EYS: variants seen among roughly 807,000 people sequenced by gnomAD.
EYS encodes protein eyes shut homolog.
In EYS, 250 loss-of-function variants were observed where a neutral mutation model predicts 282.1. That is an observed-to-expected ratio of 0.89 (90% CI 0.80 to 0.98). The LOEUF (loss-of-function observed/expected upper bound fraction) is 0.98. EYS is among the 50% of genes least tolerant of loss of function. EYS has a pLI of 0.00. For missense variants in EYS, 4,016 were observed against 3,709.0 expected (o/e 1.08, Z -2.15); for synonymous variants, 1,355 against 1,282.9 (o/e 1.06, Z -1.20).
intron 5 of EYS, among the ~76,000 whole-genome samples, chr6:65,473,223 A>G (rs969213556): frequency 1.3e-5 from 2 of 152,000 alleles, no homozygotes; most frequent in African/African-American, 4.8e-5. Context: ...AAATTGATAA[A>G]TAATAGATAA....
intron 12 of EYS, among the ~76,000 whole-genome samples, chr6:65,119,609 A>C (rs1330168297): frequency 6.7e-6 from 1 of 148,652 alleles, no homozygotes; most frequent in Admixed American, 6.7e-5. Flanking sequence ...TCCCATTTTT[A>C]AAATTTCTTA....
intron 35 of EYS, among the ~76,000 whole-genome samples, chr6:63,922,854 G>A (rs144509207): frequency 6.6e-6 from 1 of 152,284 alleles, no homozygotes; most frequent in African/African-American, 2.4e-5. Flanking sequence ...CCAAAAAGCA[G>A]GGTATATGTT....
intron 26 of EYS, among the ~76,000 whole-genome samples, chr6:64,571,260 T>C (rs1251024015): frequency 6.6e-6 from 1 of 152,140 alleles, no homozygotes; most frequent in Non-Finnish European, 1.5e-5. Flanking sequence ...TGTACCAGCA[T>C]CTCTGGGACA....
intron 29 of EYS, among the ~76,000 whole-genome samples, chr6:64,359,288 C>G (rs1771929437): frequency 6.6e-6 from 1 of 151,394 alleles, no homozygotes; most frequent in African/African-American, 2.4e-5. Flanking sequence ...TTATTTTACC[C>G]AAGAATAATG....
At chr6:64,676,397 G>A (rs1385995184) in intron 22 of EYS, among the ~76,000 whole-genome samples, 1 of 149,468 alleles carries the variant, frequency 6.7e-6, no homozygotes, top group Non-Finnish European at 1.5e-5. Flanking sequence ...AAGAAGAGAG[G>A]AGCATTATAG....
At chr6:63,893,970 G>T (rs1773470438) in intron 35 of EYS, among the ~76,000 whole-genome samples, 1 of 152,146 alleles carries the variant, frequency 6.6e-6, no homozygotes, top group African/African-American at 2.4e-5. Flanking sequence ...CTGGGTTGAG[G>T]GGGGCTTACG....
chr6:64,002,392 C>T (rs910329371), intron 33 of EYS, among the ~76,000 whole-genome samples: 1 of 152,170 alleles, frequency 6.6e-6, no homozygotes, highest in Admixed American at 6.5e-5. Flanking sequence ...TCACACTGGC[C>T]CCCTGCCCTT....
intron 1 of EYS, among the ~76,000 whole-genome samples, chr6:65,678,929 T>C (rs548706934): frequency 7.9e-4 from 119 of 151,502 alleles, no homozygotes; most frequent in Non-Finnish European, 1.5e-3. Context: ...ATCCCTCTTA[T>C]AGATGGCCGA....
chr6:64,469,677 C>T (rs1424982174), intron 26 of EYS, among the ~76,000 whole-genome samples: 1 of 152,020 alleles, frequency 6.6e-6, no homozygotes, highest in African/African-American at 2.4e-5. Flanking sequence ...AGGAAAAACA[C>T]CCGCTACTTA....
chr6:64,809,116 G>C (rs952718690), intron 22 of EYS, among the ~76,000 whole-genome samples: 1 of 151,976 alleles, frequency 6.6e-6, no homozygotes, highest in Non-Finnish European at 1.5e-5. Context: ...CAATAAACAA[G>C]AGTCTGGCAA....
chr6:64,750,872 C>A (rs1772723432), intron 22 of EYS, among the ~76,000 whole-genome samples: 1 of 152,096 alleles, frequency 6.6e-6, no homozygotes, highest in East Asian at 1.9e-4. Context: ...AAGTAGGAGC[C>A]CCAGTACATG....
At chr6:63,826,252 C>A (rs1160225481) in intron 36 of EYS, among the ~76,000 whole-genome samples, 1 of 152,014 alleles carries the variant, frequency 6.6e-6, no homozygotes, top group Non-Finnish European at 1.5e-5. Flanking sequence ...GTTAAACAAC[C>A]AAACCTAAGA....
intron 26 of EYS, among the ~76,000 whole-genome samples, chr6:64,456,306 T>G (rs532828809): frequency 5.9e-5 from 9 of 152,252 alleles, no homozygotes; most frequent in Admixed American, 2.0e-4. Context: ...GACTTAGTTT[T>G]AATATTAATT....
chr6:63,733,590 G>C (rs1427856420), intron 41 of EYS, among the ~76,000 whole-genome samples: 1 of 152,140 alleles, frequency 6.6e-6, no homozygotes, highest in Admixed American at 6.6e-5. Flanking sequence ...GCCTCCAGCT[G>C]TATCTATGTG....
chr6:64,489,704 A>G, intron 26 of EYS, among the ~76,000 whole-genome samples: 1 of 150,448 alleles, frequency 6.6e-6, no homozygotes, highest in East Asian at 1.9e-4. Flanking sequence ...TAGAATATTG[A>G]CATTAGATAA....
At chr6:65,420,037 A>C (rs112193209) in intron 5 of EYS, among the ~76,000 whole-genome samples, 71 of 152,134 alleles carry the variant, frequency 4.7e-4, no homozygotes, top group African/African-American at 1.6e-3. Flanking sequence ...ATTTTTGCTG[A>C]TGGAATTCTT....
At chr6:65,688,448 A>G (rs1008122825) in intron 1 of EYS, among the ~76,000 whole-genome samples, 28 of 152,288 alleles carry the variant, frequency 1.8e-4, no homozygotes, top group African/African-American at 6.7e-4. Flanking sequence ...TGGATTAAAG[A>G]CCTAAATGTT....
intron 24 of EYS, among the ~76,000 whole-genome samples, chr6:64,609,660 G>A (rs1290319974): frequency 2.0e-5 from 3 of 152,072 alleles, no homozygotes; most frequent in South Asian, 4.1e-4. Flanking sequence ...GAAGCAGGAC[G>A]GGTGCTTGAG....
intron 12 of EYS, among the ~76,000 whole-genome samples, chr6:65,105,813 G>A (rs1775018972): frequency 6.6e-6 from 1 of 151,850 alleles, no homozygotes; most frequent in Admixed American, 6.6e-5. Flanking sequence ...GTAACTGGAG[G>A]TTAATTTACA....
Sources: allele counts gnomAD v4.1 joint callset (sites outside exome capture counted in the v4.1 genomes callset), GRCh38; gene constraint gnomAD v4.1.1; transcripts MANE v1.5; gene names NCBI Gene and HGNC (gene_info 2026-07-23, HGNC 2026-07-21).